The following ARHGEF10 variants were observed in gnomAD, a reference collection of about 807,000 sequenced individuals.
The protein encoded by ARHGEF10 is Rho guanine nucleotide exchange factor (GEF) 10.
In ARHGEF10, 140 loss-of-function variants were observed where a neutral mutation model predicts 147.4. That is an observed-to-expected ratio of 0.95 (90% CI 0.83 to 1.09). The LOEUF is 1.09. ARHGEF10 is among the 50% of genes least tolerant of loss of function. The pLI is 0.00. For missense variants in ARHGEF10, 2,222 were observed against 1,752.7 expected (o/e 1.27, Z -4.78); for synonymous variants, 902 against 695.8 (o/e 1.30, Z -4.67).
intron 17 of ARHGEF10, among the ~76,000 whole-genome samples, chr8:1,908,636 G>A (rs578184622): frequency 6.6e-6 from 1 of 152,188 alleles, no homozygotes; most frequent in Non-Finnish European, 1.5e-5. Context: ...CTGGGGCTGC[G>A]GGGATGCTGG....
intron 21 of ARHGEF10, among the ~76,000 whole-genome samples, chr8:1,924,513 A>T (rs1812540194): frequency 6.6e-6 from 1 of 152,194 alleles, no homozygotes; most frequent in African/African-American, 2.4e-5. Context: ...GATAATCTGA[A>T]ATGTTAACGG....
intron 11 of ARHGEF10, among the ~76,000 whole-genome samples, chr8:1,886,785 G>C (rs1347535634): frequency 1.3e-5 from 2 of 152,188 alleles, no homozygotes; most frequent in African/African-American, 4.8e-5. Flanking sequence ...ACTCGGAGGA[G>C]GCTGATCATC....
rs114802627 is a variant in ARHGEF10, at chr8:1,866,254, C to T, written c.546-272C>T. Among the ~76,000 whole-genome samples the T allele has an allele frequency of 9.1e-3, 1,391 of 152,298 alleles. 29 individuals carry two copies. Among genetic ancestry groups the T allele is most frequent in the African/African-American group, 0.032 (1,320 of 41,568 alleles). ...AGTTCAGGCCTTCTAGGGCAAGGACCGTATTGCGGCTGTATTGCCCTTGCC... is the reference window on the plus strand; with the variant it reads ...AGTTCAGGCCTTCTAGGGCAAGGACTGTATTGCGGCTGTATTGCCCTTGCC... On this transcript the variant is annotated intron_variant, in intron 5 of 28. Coordinates refer to ENST00000349830, the MANE Select transcript of ARHGEF10 (RefSeq NM_014629.4).
intron 1 of ARHGEF10, among the ~76,000 whole-genome samples, chr8:1,842,845 C>T (rs142299947): frequency 2.0e-5 from 3 of 152,330 alleles, no homozygotes; most frequent in Non-Finnish European, 4.4e-5. Flanking sequence ...CGGGACCCAG[C>T]CTCGCCCCGA....
chr8:1,837,636 G>A (rs1460672008), intron 1 of ARHGEF10, among the ~76,000 whole-genome samples: 1 of 152,184 alleles, frequency 6.6e-6, no homozygotes, highest in African/African-American at 2.4e-5. Context: ...TTGAACAGAC[G>A]CGGCAGGCGT....
intron 23 of ARHGEF10, chr8:1,926,912 C>G (rs1196962188): frequency 3.4e-6 from 1 of 291,082 alleles, no homozygotes; most frequent in Non-Finnish European, 6.6e-6. Flanking sequence ...TTCTTGCAAA[C>G]CAGAGGACAT....
At chr8:1,856,861 G>C (rs1805592509) in intron 2 of ARHGEF10, among the ~76,000 whole-genome samples, 1 of 152,194 alleles carries the variant, frequency 6.6e-6, no homozygotes. Flanking sequence ...CCAGCCCTTG[G>C]GAAAGGCTGG....
At position 1,957,744 on chromosome 8, in the gene ARHGEF10, C is replaced by T. The variant is rs569253702; in HGVS notation, c.*481C>T. ...ATTTATATTCTATATTTTTGAATTT[C>T]AGAGTAAAATTTGTTAACAATTTTA... is the stretch of plus-strand genomic sequence containing the variant. On this transcript the variant is annotated 3_prime_UTR_variant, in exon 29 of 29. Coordinates refer to ENST00000349830, the MANE Select transcript of ARHGEF10 (RefSeq NM_014629.4). 1.8e-5 allele frequency: 3 copies of T among 162,540 alleles called. No homozygotes were observed. Among genetic ancestry groups the T allele is most frequent in the Non-Finnish European group, 4.0e-5 (3 of 74,408 alleles). 10.1% of individuals were successfully genotyped at this position (162,540 alleles called of 1,614,324 possible).
At chr8:1,832,745 GGCAGAGAC>G (rs1563148517) in intron 1 of ARHGEF10, among the ~76,000 whole-genome samples, 2 of 41,772 alleles carry the variant, frequency 4.8e-5, no homozygotes, top group Non-Finnish European at 5.9e-5. Flanking sequence ...CAGAGGCAGA[GGCAGAGAC>G]AGAGACAGAG....
intron 25 of ARHGEF10, among the ~76,000 whole-genome samples, chr8:1,931,286 T>G (rs906095551): frequency 1.4e-4 from 22 of 152,398 alleles, no homozygotes; most frequent in African/African-American, 5.3e-4. Flanking sequence ...GATTTTTTTC[T>G]GTTTTTCTAA....
chr8:1,953,687 T>C (rs1174069765), intron 28 of ARHGEF10, among the ~76,000 whole-genome samples: 1 of 152,180 alleles, frequency 6.6e-6, no homozygotes, highest in Non-Finnish European at 1.5e-5. Context: ...GATTGGGCCA[T>C]TTAATAAAAT....
chr8:1,951,248 A>G (rs891914752), intron 27 of ARHGEF10, among the ~76,000 whole-genome samples: 8 of 152,228 alleles, frequency 5.3e-5, no homozygotes, highest in Non-Finnish European at 1.2e-4. Context: ...AGCGGTCAGC[A>G]CTTCGGAGCA....
At chr8:1,844,789 G>C in intron 2 of ARHGEF10, among the ~76,000 whole-genome samples, 1 of 152,142 alleles carries the variant, frequency 6.6e-6, no homozygotes, top group South Asian at 2.1e-4. Context: ...AAATGAGGTC[G>C]GGCACCTCAG....
chr8:1,947,677 C>G (rs1814702934), intron 27 of ARHGEF10, among the ~76,000 whole-genome samples: 1 of 147,220 alleles, frequency 6.8e-6, no homozygotes, highest in African/African-American at 2.5e-5. Flanking sequence ...TCCTCACACC[C>G]CACCCCGCAT....
At chr8:1,931,300 C>A (rs1001898877) in intron 25 of ARHGEF10, among the ~76,000 whole-genome samples, 1 of 152,208 alleles carries the variant, frequency 6.6e-6, no homozygotes, top group Non-Finnish European at 1.5e-5. Context: ...TTTCTAATTT[C>A]TATTAAATGC....
chr8:1,839,985 G>C (rs1252021356), intron 1 of ARHGEF10, among the ~76,000 whole-genome samples: 1 of 149,056 alleles, frequency 6.7e-6, no homozygotes, highest in African/African-American at 2.5e-5. Flanking sequence ...AAGCTGTCTG[G>C]TGTGGGGACT....
intron 18 of ARHGEF10, among the ~76,000 whole-genome samples, chr8:1,917,022 A>T (rs1328237681): frequency 1.3e-5 from 2 of 152,252 alleles, no homozygotes; most frequent in Non-Finnish European, 2.9e-5. Flanking sequence ...ATTTAAACTG[A>T]CTACAGGACG....
chr8:1,922,223 G>T (rs7015556), intron 18 of ARHGEF10, among the ~76,000 whole-genome samples: 5 of 150,876 alleles, frequency 3.3e-5, no homozygotes, highest in Non-Finnish European at 7.4e-5. Context: ...GACACGCGTC[G>T]TTCCTCTAAC....
intron 25 of ARHGEF10, among the ~76,000 whole-genome samples, chr8:1,931,545 C>T (rs866943546): frequency 1.3e-5 from 2 of 152,110 alleles, no homozygotes; most frequent in African/African-American, 2.4e-5. Flanking sequence ...AGCTGTCCGG[C>T]GTACCGTGTG....
Sources: allele counts gnomAD v4.1 joint callset (sites outside exome capture counted in the v4.1 genomes callset), GRCh38; gene constraint gnomAD v4.1.1; transcripts MANE v1.5; gene names NCBI Gene and HGNC (gene_info 2026-07-23, HGNC 2026-07-21).